Variants in KCNH5 observed in about 807,000 individuals in gnomAD.
KCNH5 encodes the protein voltage-gated delayed rectifier potassium channel KCNH5.
A neutral mutation model predicts 96.1 loss-of-function variants in KCNH5; 46 were observed. The ratio of observed to expected loss-of-function variants is 0.48; its 90% CI spans 0.38 to 0.61. KCNH5 has a LOEUF of 0.61. KCNH5 is among the 20% of genes least tolerant of loss of function. The pLI is 0.00. For missense variants in KCNH5, 907 were observed against 1,225.8 expected, an observed-to-expected ratio of 0.74 and a Z score of 3.88; for synonymous variants, 439 against 449.8, an observed-to-expected ratio of 0.98 and a Z score of 0.30.
rs1884326350 is a variant in KCNH5 at position 62,700,211 on chromosome 14, GTTGT to G, written c.*7293_*7296del. 1 of 152,174 alleles carries G rather than the reference GTTGT, an allele frequency of 6.6e-6. No homozygotes were observed. Among genetic ancestry groups the G allele is most frequent in the Non-Finnish European group, 1.5e-5 (1 of 68,020 alleles). 9.4% of individuals were successfully genotyped at this position (152,174 alleles called of 1,614,324 possible). ...TATATCGTGAATCTGCACATTTTGT[GTTGT>G]TTGAGTACCAAGCACTTCTAAAAGT... On this transcript the variant is annotated 3_prime_UTR_variant, in exon 11 of 11. Coordinates refer to ENST00000322893, the MANE Select transcript of KCNH5 (RefSeq NM_139318.5).
intron 7 of KCNH5, among the ~76,000 whole-genome samples, chr14:62,867,163 C>A (rs1344858711): frequency 6.6e-6 from 1 of 152,290 alleles, no homozygotes; most frequent in Middle Eastern, 3.4e-3. Flanking sequence ...ACTGGCAGAG[C>A]CCCGTCATGT....
intron 5 of KCNH5, among the ~76,000 whole-genome samples, chr14:62,982,053 A>G: frequency 6.6e-6 from 1 of 152,204 alleles, no homozygotes; most frequent in Non-Finnish European, 1.5e-5. Flanking sequence ...CACAGGACAT[A>G]GCATTGCCTT....
chr14:62,921,641 A>C (rs1192182975), intron 7 of KCNH5, among the ~76,000 whole-genome samples: 3 of 152,130 alleles, frequency 2.0e-5, no homozygotes, highest in Non-Finnish European at 4.4e-5. Flanking sequence ...GGACATAGGA[A>C]GAACAGACAA....
In KCNH5 at chr14:62,724,435, T is replaced by C. The variant is rs1884880857; in HGVS notation, c.2020-15980A>G. On this transcript the variant is annotated intron_variant, in intron 10 of 10. Transcript: ENST00000322893. Reference sequence around the variant, plus strand: ...CCTGAAGCTTCAAAAGAAAAAGATATATATAATCTATTTTATACTCCTTAA... The same window carrying C: ...CCTGAAGCTTCAAAAGAAAAAGATACATATAATCTATTTTATACTCCTTAA... 2.0e-5 allele frequency among the ~76,000 whole-genome samples: 3 copies of C among 152,300 alleles called. No homozygotes were observed. In the South Asian group the frequency reaches 6.2e-4, roughly 32 times the overall value.
At chr14:62,746,899 A>C (rs752357177) in intron 10 of KCNH5, among the ~76,000 whole-genome samples, 18 of 152,258 alleles carry the variant, frequency 1.2e-4, no homozygotes, top group Non-Finnish European at 1.9e-4. Context: ...ACAAACAGAT[A>C]AATTGAAGCA....
chr14:62,824,497 C>G (rs1013183751), intron 8 of KCNH5, among the ~76,000 whole-genome samples: 5 of 150,776 alleles, frequency 3.3e-5, no homozygotes, highest in Non-Finnish European at 5.9e-5. Context: ...TCAAAAAACG[C>G]TTTTTTTTTA....
chr14:62,873,709 A>C (rs1431665143), intron 7 of KCNH5, among the ~76,000 whole-genome samples: 2 of 152,202 alleles, frequency 1.3e-5, no homozygotes, highest in Non-Finnish European at 2.9e-5. Context: ...CATGCCCAAA[A>C]ATCCTCCTCA....
chr14:62,860,001 G>A (rs1246372550), intron 7 of KCNH5, among the ~76,000 whole-genome samples: 2 of 152,096 alleles, frequency 1.3e-5, no homozygotes, highest in African/African-American at 4.8e-5. Context: ...TGCTTGAGTC[G>A]GATCACATAT....
chr14:62,839,290 C>A (rs978829998), intron 8 of KCNH5, among the ~76,000 whole-genome samples: 7 of 152,082 alleles, frequency 4.6e-5, no homozygotes, highest in African/African-American at 7.2e-5. Context: ...TTCAACTAAA[C>A]AAGCACTTTT....
At chr14:62,945,696 A>C (rs1222557104) in intron 7 of KCNH5, among the ~76,000 whole-genome samples, 1 of 152,060 alleles carries the variant, frequency 6.6e-6, no homozygotes, top group Non-Finnish European at 1.5e-5. Context: ...GTAGGGTAGC[A>C]CTGGAAGGAA....
At chr14:62,863,025 T>C (rs1216116598) in intron 7 of KCNH5, among the ~76,000 whole-genome samples, 1 of 152,184 alleles carries the variant, frequency 6.6e-6, no homozygotes, top group African/African-American at 2.4e-5. Context: ...ATTTTCTTCA[T>C]GAAACCTCTT....
intron 10 of KCNH5, among the ~76,000 whole-genome samples, chr14:62,744,962 G>A (rs1192432585): frequency 6.6e-6 from 1 of 152,152 alleles, no homozygotes; most frequent in East Asian, 1.9e-4. Flanking sequence ...AGGAGTGAAG[G>A]GAGAAAGAAG....
intron 9 of KCNH5, among the ~76,000 whole-genome samples, chr14:62,795,359 T>C (rs1407405191): frequency 1.3e-5 from 2 of 152,164 alleles, no homozygotes; most frequent in South Asian, 2.1e-4. Context: ...GAACCACAAA[T>C]AGAAAATATT....
chr14:63,032,656 T>C (rs958977144), intron 1 of KCNH5, among the ~76,000 whole-genome samples: 2 of 152,170 alleles, frequency 1.3e-5, no homozygotes, highest in Non-Finnish European at 2.9e-5. Context: ...ATCAGTTTCT[T>C]ATCAAAATCT....
intron 8 of KCNH5, among the ~76,000 whole-genome samples, chr14:62,834,949 C>T (rs1887435429): frequency 6.6e-6 from 1 of 151,882 alleles, no homozygotes; most frequent in Admixed American, 6.6e-5. Flanking sequence ...CTATCCGGCC[C>T]TTTAGAGAAA....
chr14:62,841,666 G>A (rs1022016036), intron 8 of KCNH5, among the ~76,000 whole-genome samples: 6 of 152,226 alleles, frequency 3.9e-5, no homozygotes, highest in African/African-American at 1.4e-4. Flanking sequence ...CACAGTGCCT[G>A]TAGTTTATAA....
At chr14:62,943,382 C>A (rs1293786748) in intron 7 of KCNH5, among the ~76,000 whole-genome samples, 2 of 151,990 alleles carry the variant, frequency 1.3e-5, no homozygotes. Context: ...ATAAATCATC[C>A]ACGTACTATG....
chr14:62,788,811 A>T (rs1013386841), intron 9 of KCNH5, among the ~76,000 whole-genome samples: 1 of 152,082 alleles, frequency 6.6e-6, no homozygotes, highest in Admixed American at 6.6e-5. Flanking sequence ...ATTAAGGTAT[A>T]TGCATTGTTT....
chr14:62,829,036 G>T (rs945902082), intron 8 of KCNH5, among the ~76,000 whole-genome samples: 3 of 152,160 alleles, frequency 2.0e-5, no homozygotes, highest in African/African-American at 7.2e-5. Context: ...CTGAAGTTCA[G>T]TAGGGCAGCC....
Sources: gnomAD v4.1 joint callset for allele counts (sites outside exome capture counted in the v4.1 genomes callset) on GRCh38, gnomAD v4.1.1 for gene constraint, MANE v1.5 for transcripts, NCBI Gene and HGNC (gene_info 2026-07-23, HGNC 2026-07-21) for gene names.